Variants in FGD5 observed in about 807,000 individuals in gnomAD.
The protein encoded by FGD5 is FYVE, RhoGEF and PH domain-containing protein 5.
In FGD5, 28 loss-of-function variants were observed where a neutral mutation model predicts 133.4. The ratio of observed to expected loss-of-function variants is 0.21; its 90% CI spans 0.16 to 0.29. The LOEUF (loss-of-function observed/expected upper bound fraction) is 0.29. FGD5 is among the 10% of genes least tolerant of loss of function. The probability of loss-of-function intolerance (pLI) is 1.00; values close to 1 mark genes in which losing one functional copy is unlikely to be tolerated. For synonymous variants in FGD5, 810 were observed against 776.5 expected (o/e 1.04, Z -0.72); for missense variants, 1,858 against 1,895.2 (o/e 0.98, Z 0.36).
intron 1 of FGD5, among the ~76,000 whole-genome samples, chr3:14,851,199 C>G (rs58147229): frequency 0.081 from 12,397 of 152,188 alleles, 747 homozygotes; most frequent in East Asian, 0.31. Context: ...AACATAAAAC[C>G]AGCAGGTACT....
intron 1 of FGD5, among the ~76,000 whole-genome samples, chr3:14,853,432 T>G (rs1420005721): frequency 6.6e-6 from 1 of 151,966 alleles, no homozygotes; most frequent in Non-Finnish European, 1.5e-5. Flanking sequence ...TTTCAAACTT[T>G]CCAGCTCCCA....
In FGD5 at chr3:14,836,014, C is replaced by T. The variant is rs890499340; in HGVS notation, c.2525+14418C>T. Reference sequence around the variant, plus strand: ...CAGAGATGAAGAGCAGAAAGGAACTCGAGGCTCCAGAGCGCTGTCCAGGAT... The same window carrying T: ...CAGAGATGAAGAGCAGAAAGGAACTTGAGGCTCCAGAGCGCTGTCCAGGAT... On this transcript the variant is annotated intron_variant, in intron 1 of 19. Transcript: ENST00000285046. 3.3e-5 allele frequency among the ~76,000 whole-genome samples: 5 copies of T among 152,286 alleles called. No homozygotes were observed. The East Asian group carries it at 7.7e-4, about 24-fold the overall frequency.
At chr3:14,840,195 T>C (rs1214027515) in intron 1 of FGD5, among the ~76,000 whole-genome samples, 1 of 151,876 alleles carries the variant, frequency 6.6e-6, no homozygotes, top group Non-Finnish European at 1.5e-5. Flanking sequence ...CAGGATACAG[T>C]GTGCAGTGGT....
intron 1 of FGD5, among the ~76,000 whole-genome samples, chr3:14,823,788 G>A (rs1205163577): frequency 6.6e-6 from 1 of 152,192 alleles, no homozygotes; most frequent in African/African-American, 2.4e-5. Context: ...TGCCACCTGG[G>A]GTGTGCAGTG....
chr3:14,873,071 A>T (rs1602298), intron 2 of FGD5, among the ~76,000 whole-genome samples: 8 of 152,088 alleles, frequency 5.3e-5, no homozygotes, highest in Non-Finnish European at 1.0e-4. Context: ...CACAGATTCC[A>T]TTCTGTCAAG....
intron 13 of FGD5, among the ~76,000 whole-genome samples, chr3:14,919,367 C>T (rs2038626680): frequency 6.6e-6 from 1 of 152,048 alleles, no homozygotes; most frequent in Non-Finnish European, 1.5e-5. Flanking sequence ...GCCTGTAATC[C>T]CAGCCCTTTG....
At chr3:14,915,397 TTA>T (rs2038533415) in intron 11 of FGD5, among the ~76,000 whole-genome samples, 1 of 152,246 alleles carries the variant, frequency 6.6e-6, no homozygotes, top group Admixed American at 6.5e-5. Context: ...CATCCCTACT[TTA>T]TGTTTTCCTC....
chr3:14,875,733 T>C (rs2037704573), intron 2 of FGD5, among the ~76,000 whole-genome samples: 1 of 152,026 alleles, frequency 6.6e-6, no homozygotes, highest in South Asian at 2.1e-4. Flanking sequence ...ATGGGAAGCC[T>C]GGACTTCAGA....
At chr3:14,918,870 G>C in intron 13 of FGD5, 37 bp downstream of exon 13, 1 of 1,607,904 alleles carries the variant, frequency 6.2e-7, no homozygotes. Context: ...GCACAAGGCA[G>C]AGGTGTGAGC....
intron 1 of FGD5, among the ~76,000 whole-genome samples, chr3:14,858,894 C>T (rs1220084650): frequency 6.6e-6 from 1 of 152,192 alleles, no homozygotes; most frequent in Non-Finnish European, 1.5e-5. Flanking sequence ...TATAATCAAC[C>T]TCGTAGCAAT....
At chr3:14,830,274 T>C (rs559091084) in intron 1 of FGD5, among the ~76,000 whole-genome samples, 1 of 152,376 alleles carries the variant, frequency 6.6e-6, no homozygotes, top group East Asian at 1.9e-4. Context: ...TGCTTCTTGT[T>C]GAAATTGACT....
At chr3:14,932,424 A>C in intron 18 of FGD5, 153 bp from the exon 19 acceptor site, 1 of 787,774 alleles carries the variant, frequency 1.3e-6, no homozygotes, top group Non-Finnish European at 2.0e-6. Flanking sequence ...TCTGGGGGGA[A>C]GCGAGGGTCA....
chr3:14,917,446 G>C lies in FGD5; in HGVS notation c.3489+114G>C. 2.1e-6 allele frequency: 2 copies of C among 934,876 alleles called. No homozygotes were observed. The highest frequency in any genetic ancestry group is 3.2e-5 in the South Asian group (2 of 62,148). The allele number at this position is 934,876 out of a possible 1,614,324, so 57.9% of individuals were successfully genotyped here. ...AGACCAGCTGGAAGAGGGAGGCCCT[G>C]CGGAAACAGTGTTGGGCTACAGCAA... On this transcript the variant is annotated intron_variant, in intron 12 of 19. Transcript: ENST00000285046. This position sits in a 1 kb window ranked among gnomAD's most constrained non-coding sequence, Gnocchi z 4.1.
At position 14,911,572 on chromosome 3, in the gene FGD5, C is replaced by T. The variant is rs145897582; in HGVS notation, c.3405+643C>T. On this transcript the variant is annotated intron_variant, in intron 11 of 19. Transcript: ENST00000285046. ...CTCTCCCAGCTTCCTCATACTTCGTCAAAGCACCGTGTGCAGTGGGAGAGA... is the reference window on the plus strand; with the variant it reads ...CTCTCCCAGCTTCCTCATACTTCGTTAAAGCACCGTGTGCAGTGGGAGAGA... Among the ~76,000 whole-genome samples the T allele has an allele frequency of 1.3e-3, 204 of 152,084 alleles. 1 individual carries two copies. The East Asian group carries it at 0.017, about 13-fold the overall frequency.
chr3:14,914,673 C>T (rs2038517605), intron 11 of FGD5, among the ~76,000 whole-genome samples: 1 of 152,170 alleles, frequency 6.6e-6, no homozygotes, highest in African/African-American at 2.4e-5. Flanking sequence ...GCAGCCCTGA[C>T]ATTCCCTCCC....
rs372224929 is a variant in FGD5, at chr3:14,932,550, G to A, written c.4198-27G>A. 1,091 of 1,602,842 alleles carry A rather than the reference G, an allele frequency of 6.8e-4. 1 individual carries two copies. The highest frequency in any genetic ancestry group is 8.6e-4 in the Non-Finnish European group (1,014 of 1,176,044). On this transcript the variant is annotated intron_variant, in intron 18 of 19. Coordinates refer to ENST00000285046, the MANE Select transcript of FGD5 (RefSeq NM_152536.4). ...GACTATGCAGAGTGTGGTGTTTAAT[G>A]TCAATTTTTCCTTCTGTCCTCTGCA...
intron 6 of FGD5, 86 bp downstream of exon 6, chr3:14,898,181 C>T: frequency 6.5e-7 from 1 of 1,542,278 alleles, no homozygotes; most frequent in Non-Finnish European, 8.9e-7. Context: ...AGTGGGACAT[C>T]TTGGTAGGTG....
chr3:14,905,953 A>T (rs574034919), intron 9 of FGD5, among the ~76,000 whole-genome samples: 1 of 151,932 alleles, frequency 6.6e-6, no homozygotes, highest in Non-Finnish European at 1.5e-5. Context: ...ATGGCTGTTC[A>T]CGGTAGGGTA....
chr3:14,814,051 A>G (rs2036334858), upstream of FGD5, among the ~76,000 whole-genome samples: 1 of 152,130 alleles, frequency 6.6e-6, no homozygotes, highest in Admixed American at 6.5e-5. Flanking sequence ...AGTTTGAGTC[A>G]TCCTCGGGCA....
Sources: allele counts gnomAD v4.1 joint callset (sites outside exome capture counted in the v4.1 genomes callset), GRCh38; gene constraint gnomAD v4.1.1; non-coding constraint Gnocchi (gnomAD v3.1); transcripts MANE v1.5; gene names NCBI Gene and HGNC (gene_info 2026-07-23, HGNC 2026-07-21).